Variants in CCDC102B observed in about 807,000 individuals in gnomAD.
CCDC102B encodes the protein coiled-coil domain containing 102B.
A neutral mutation model predicts 57.4 loss-of-function variants in CCDC102B; 75 were observed. That is an observed-to-expected ratio of 1.31 (90% CI 1.08 to 1.58). The LOEUF (loss-of-function observed/expected upper bound fraction) is 1.58, where lower values mean the gene tolerates loss of function less well. CCDC102B is among the 40% of genes most tolerant of loss of function. The pLI is 0.00. For synonymous variants in CCDC102B, 206 were observed against 201.9 expected (o/e 1.02, Z -0.17); for missense variants, 636 against 582.6 (o/e 1.09, Z -0.94).
chr18:68,825,231 C>A (rs894980502), intron 1 of CCDC102B, among the ~76,000 whole-genome samples: 1 of 152,108 alleles, frequency 6.6e-6, no homozygotes, highest in Non-Finnish European at 1.5e-5. Context: ...TTTAATGCCA[C>A]TTTATGTGTT....
At chr18:68,827,648 C>T (rs549980245) in intron 1 of CCDC102B, among the ~76,000 whole-genome samples, 1 of 151,714 alleles carries the variant, frequency 6.6e-6, no homozygotes, top group Non-Finnish European at 1.5e-5. Flanking sequence ...TCTAACACAT[C>T]AATAATTACT....
At chr18:68,922,861 A>G (rs1416873143) in intron 6 of CCDC102B, among the ~76,000 whole-genome samples, 1 of 152,116 alleles carries the variant, frequency 6.6e-6, no homozygotes. Context: ...CATACTTGCT[A>G]TGTGGGTTTA....
At chr18:68,954,436 A>G (rs866377321) in intron 6 of CCDC102B, among the ~76,000 whole-genome samples, 8 of 152,180 alleles carry the variant, frequency 5.3e-5, no homozygotes, top group African/African-American at 1.4e-4. Context: ...AAAAATAATA[A>G]TAAAGAAGAA....
intron 6 of CCDC102B, among the ~76,000 whole-genome samples, chr18:68,993,741 A>T (rs118031139): frequency 0.011 from 1,651 of 152,288 alleles, 25 homozygotes; most frequent in Middle Eastern, 0.027. Context: ...GTACATATAT[A>T]CTCAGTTACA....
intron 2 of CCDC102B, among the ~76,000 whole-genome samples, chr18:68,747,999 C>T (rs899464009): frequency 5.3e-5 from 8 of 152,116 alleles, no homozygotes; most frequent in Non-Finnish European, 8.8e-5. Flanking sequence ...TACAAGGGTT[C>T]CATTATCTCT....
intron 2 of CCDC102B, among the ~76,000 whole-genome samples, chr18:68,767,726 T>C (rs1403182779): frequency 6.6e-6 from 1 of 152,198 alleles, no homozygotes; most frequent in African/African-American, 2.4e-5. Flanking sequence ...TAATAGTTGC[T>C]TATGGTCATA....
chr18:68,923,834 GC>G, intron 6 of CCDC102B, among the ~76,000 whole-genome samples: 1 of 152,048 alleles, frequency 6.6e-6, no homozygotes, highest in Non-Finnish European at 1.5e-5. Flanking sequence ...GCCTGCATTT[GC>G]AGCTAAGAGG....
chr18:68,726,276 GA>G (rs1428154774), intron 2 of CCDC102B, among the ~76,000 whole-genome samples: 2 of 152,008 alleles, frequency 1.3e-5, no homozygotes, highest in African/African-American at 4.8e-5. Context: ...AATTGGATAT[GA>G]AAAATGGGAA....
At position 68,760,177 on chromosome 18, in the gene CCDC102B, G is replaced by A. The variant is rs1676845; in HGVS notation, c.-67+43583G>A. ...ATTTAGCACAGTTTGGTTTTAAACT[G>A]TTTACATGAATTACCTTCTTAAAAT... On this transcript the variant is annotated intron_variant, in intron 2 of 3. Transcript: ENST00000578970. Among the ~76,000 whole-genome samples the A allele has an allele frequency of 3.6e-3, 549 of 152,148 alleles. 2 individuals carry two copies. The highest frequency in any genetic ancestry group is 0.013 in the African/African-American group (520 of 41,518).
At chr18:68,925,027 G>T (rs182597358) in intron 6 of CCDC102B, among the ~76,000 whole-genome samples, 4 of 151,982 alleles carry the variant, frequency 2.6e-5, no homozygotes, top group Admixed American at 2.6e-4. Context: ...CACACCTTAG[G>T]GGCTACTGCT....
rs202022951 is a variant in CCDC102B at position 68,832,148 on chromosome 18, AAGATAAAGCAATAACGATAAAC to A, written c.-15-4599_-15-4578del. ...ACAAAGGTTTCATTTTCTATAGATT[AAGATAAAGCAATAACGATAAAC>A]AATAAGACAAAAATCTTTTTAATGT... On this transcript the variant is annotated intron_variant, in intron 1 of 7. Transcript: ENST00000360242. Among the ~76,000 whole-genome samples, 168 of 152,290 alleles carry A rather than the reference AAGATAAAGCAATAACGATAAAC, an allele frequency of 1.1e-3. No individual in the cohort carries two copies. The East Asian group carries it at 0.026, about 23-fold the overall frequency.
Position 68,889,731 on chromosome 18 carries a change from GC to G in CCDC102B, c.1054-7485del, listed in dbSNP as rs549501356. 4.5e-3 allele frequency among the ~76,000 whole-genome samples: 683 copies of G among 152,260 alleles called. 3 individuals are homozygous for G. Among genetic ancestry groups the G allele is most frequent in the African/African-American group, 0.016 (656 of 41,544 alleles). On this transcript the variant is annotated intron_variant, in intron 5 of 7. Coordinates refer to ENST00000360242, the MANE Select transcript of CCDC102B (RefSeq NM_024781.3). Reference sequence around the variant, plus strand: ...TGGGATTACAGGCGTGAGCCACCGGGCCCGGCCAAATTAGTGTTGTTTTAAG... The same window carrying G: ...TGGGATTACAGGCGTGAGCCACCGGGCCGGCCAAATTAGTGTTGTTTTAAG...
chr18:68,915,360 A>T (rs191769157), intron 6 of CCDC102B, among the ~76,000 whole-genome samples: 305 of 152,340 alleles, frequency 2.0e-3, no homozygotes, highest in African/African-American at 7.1e-3. Flanking sequence ...TAAGCTAGTT[A>T]AAATTAATTA....
intron 7 of CCDC102B, among the ~76,000 whole-genome samples, chr18:69,045,702 T>C (rs895506846): frequency 6.6e-6 from 1 of 152,048 alleles, no homozygotes; most frequent in Non-Finnish European, 1.5e-5. Flanking sequence ...ATCACCCAGA[T>C]AATAAGCATA....
At chr18:68,746,091 T>C (rs923285753) in intron 2 of CCDC102B, among the ~76,000 whole-genome samples, 4 of 152,200 alleles carry the variant, frequency 2.6e-5, no homozygotes, top group Non-Finnish European at 5.9e-5. Flanking sequence ...TATTACTAAT[T>C]TATAGCAAAT....
chr18:68,748,220 G>A (rs200184178), intron 2 of CCDC102B, among the ~76,000 whole-genome samples: 2,446 of 141,262 alleles, frequency 0.017, 45 homozygotes, highest in African/African-American at 0.026. Context: ...GTGTGTGTGT[G>A]TGTGTGTGTG....
At chr18:68,998,873 T>C (rs1247781467) in intron 6 of CCDC102B, among the ~76,000 whole-genome samples, 1 of 151,738 alleles carries the variant, frequency 6.6e-6, no homozygotes, top group Non-Finnish European at 1.5e-5. Context: ...GTTAATCTCC[T>C]TTGGCAACAC....
At chr18:69,040,680 G>A (rs1166410290) in intron 7 of CCDC102B, among the ~76,000 whole-genome samples, 1 of 151,704 alleles carries the variant, frequency 6.6e-6, no homozygotes, top group African/African-American at 2.4e-5. Context: ...TGATAAGCAG[G>A]GTTTAAAATA....
chr18:69,026,689 G>A (rs2052002764), intron 7 of CCDC102B, among the ~76,000 whole-genome samples: 1 of 152,076 alleles, frequency 6.6e-6, no homozygotes, highest in Non-Finnish European at 1.5e-5. Flanking sequence ...GAAGAAGGAG[G>A]CAGAGACTGA....
Sources: gnomAD v4.1 joint callset for allele counts (sites outside exome capture counted in the v4.1 genomes callset) on GRCh38, gnomAD v4.1.1 for gene constraint, MANE v1.5 for transcripts, NCBI Gene and HGNC (gene_info 2026-07-23, HGNC 2026-07-21) for gene names.